GNG12: variants seen among roughly 807,000 people sequenced by gnomAD.
GNG12 encodes the protein guanine nucleotide-binding protein G(I)/G(S)/G(O) subunit gamma-12.
For synonymous variants in GNG12, 28 were observed against 29.7 expected, an observed-to-expected ratio of 0.94 and a Z score of 0.19; for missense variants, 69 against 83.8, an observed-to-expected ratio of 0.82 and a Z score of 0.69.
chr1:67,752,542 G>C (rs934149072), intron 2 of GNG12, among the ~76,000 whole-genome samples: 16 of 152,244 alleles, frequency 1.1e-4, no homozygotes, highest in Non-Finnish European at 2.2e-4. Flanking sequence ...TTGCACTCAC[G>C]GTAGACATCC....
chr1:67,819,818 C>T (rs1386775697), intron 1 of GNG12, among the ~76,000 whole-genome samples: 1 of 152,156 alleles, frequency 6.6e-6, no homozygotes, highest in Non-Finnish European at 1.5e-5. Flanking sequence ...ACTGGCTGTT[C>T]CCTCTACCTG....
At chr1:67,759,797 T>TGA (rs992517508) in intron 2 of GNG12, among the ~76,000 whole-genome samples, 7 of 131,302 alleles carry the variant, frequency 5.3e-5, no homozygotes, top group African/African-American at 2.7e-4. Flanking sequence ...TCAACAATGC[T>TGA]CACTCACTTC....
At chr1:67,808,930 T>C (rs1646908204) in intron 1 of GNG12, among the ~76,000 whole-genome samples, 1 of 152,144 alleles carries the variant, frequency 6.6e-6, no homozygotes, top group Non-Finnish European at 1.5e-5. Context: ...TTTATGGATA[T>C]AAACAAACTG....
intron 1 of GNG12, among the ~76,000 whole-genome samples, chr1:67,814,082 T>C (rs1404469104): frequency 3.3e-5 from 5 of 152,146 alleles, no homozygotes; most frequent in African/African-American, 9.7e-5. Flanking sequence ...TCTCTAATAC[T>C]ACATGAGCCC....
At chr1:67,733,197 C>A (rs1180285096) in intron 2 of GNG12, among the ~76,000 whole-genome samples, 1 of 152,160 alleles carries the variant, frequency 6.6e-6, no homozygotes, top group African/African-American at 2.4e-5. Flanking sequence ...GTATCACAAG[C>A]CACCAGTATT....
At chr1:67,760,008 C>T (rs895340849) in intron 2 of GNG12, among the ~76,000 whole-genome samples, 1 of 152,230 alleles carries the variant, frequency 6.6e-6, no homozygotes, top group Non-Finnish European at 1.5e-5. Context: ...AGGCAGAAAG[C>T]CTTCAAAGCT....
At chr1:67,725,920 C>T (rs147235164) in intron 2 of GNG12, among the ~76,000 whole-genome samples, 1 of 152,064 alleles carries the variant, frequency 6.6e-6, no homozygotes, top group Non-Finnish European at 1.5e-5. Context: ...CAAAACATGA[C>T]GGAGCATCAC....
chr1:67,814,682 T>C (rs1646943776), intron 1 of GNG12, among the ~76,000 whole-genome samples: 1 of 152,250 alleles, frequency 6.6e-6, no homozygotes, highest in Admixed American at 6.5e-5. Flanking sequence ...ATGTTTTATA[T>C]GCTTATCAGG....
chr1:67,831,593 G>A (rs1172269664), intron 1 of GNG12, among the ~76,000 whole-genome samples: 1 of 152,142 alleles, frequency 6.6e-6, no homozygotes, highest in Non-Finnish European at 1.5e-5. Context: ...AGACTTTTCA[G>A]CATTTTTTGG....
At chr1:67,767,337 G>A (rs572965322) in intron 2 of GNG12, among the ~76,000 whole-genome samples, 2 of 152,230 alleles carry the variant, frequency 1.3e-5, no homozygotes, top group African/African-American at 4.8e-5. Context: ...AGCTCCTCCC[G>A]CTTAGGACTG....
intron 1 of GNG12, among the ~76,000 whole-genome samples, chr1:67,830,248 G>A (rs1007351330): frequency 4.6e-5 from 7 of 152,086 alleles, no homozygotes; most frequent in African/African-American, 1.7e-4. Flanking sequence ...CAGGTGATCC[G>A]CCCACCTTGG....
intron 2 of GNG12, among the ~76,000 whole-genome samples, chr1:67,724,792 C>T (rs935099852): frequency 1.3e-5 from 2 of 152,162 alleles, no homozygotes; most frequent in African/African-American, 2.4e-5. Flanking sequence ...GAAAGACTGG[C>T]TATGAGTTAG....
chr1:67,746,760 G>A (rs2100719892), intron 2 of GNG12, among the ~76,000 whole-genome samples: 1 of 152,270 alleles, frequency 6.6e-6, no homozygotes, highest in Middle Eastern at 3.4e-3. Flanking sequence ...AATTCAAGGA[G>A]GTTGCCATTT....
chr1:67,705,724 G>A, intron 3 of GNG12, 148 bp from the exon 4 acceptor site: 1 of 1,340,012 alleles, frequency 7.5e-7, no homozygotes, highest in Non-Finnish European at 9.7e-7. Context: ...ATTCTTGTCA[G>A]GTATAAAAAG....
chr1:67,758,515 T>C (rs933053943), intron 2 of GNG12, among the ~76,000 whole-genome samples: 5 of 152,076 alleles, frequency 3.3e-5, no homozygotes, highest in African/African-American at 1.2e-4. Flanking sequence ...GGTGTCAGGA[T>C]TGGGGAGCAT....
intron 1 of GNG12, among the ~76,000 whole-genome samples, chr1:67,793,960 T>C (rs887339873): frequency 2.0e-5 from 3 of 152,208 alleles, no homozygotes; most frequent in Non-Finnish European, 4.4e-5. Context: ...CGTTTACTCT[T>C]TTCTTTTGCC....
intron 2 of GNG12, among the ~76,000 whole-genome samples, chr1:67,716,113 G>A (rs1042737797): frequency 6.6e-6 from 1 of 152,268 alleles, no homozygotes; most frequent in East Asian, 1.9e-4. Context: ...GAGATGAGGA[G>A]GGGCTGCACA....
chr1:67,790,556 T>C (rs1646795997), intron 1 of GNG12, among the ~76,000 whole-genome samples: 1 of 152,006 alleles, frequency 6.6e-6, no homozygotes, highest in Non-Finnish European at 1.5e-5. Flanking sequence ...TTTATGTATC[T>C]GCATCGACAA....
rs542761343 is a variant in GNG12 at position 67,782,384 on chromosome 1, C to T, written c.-76-4877G>A. ...ATTTTGCCCCATTGTACAACGGCTT[C>T]TGTCCCAGAGAATGGTACACCCCGA... On this transcript the variant is annotated intron_variant, in intron 1 of 3. Transcript: ENST00000370982. Among the ~76,000 whole-genome samples the T allele has an allele frequency of 4.6e-5, 7 of 152,302 alleles. No homozygotes were observed. In the South Asian group the frequency reaches 1.0e-3, roughly 23 times the overall value.
Sources: gnomAD v4.1 joint callset for allele counts (sites outside exome capture counted in the v4.1 genomes callset) on GRCh38, gnomAD v4.1.1 for gene constraint, MANE v1.5 for transcripts, NCBI Gene and HGNC (gene_info 2026-07-23, HGNC 2026-07-21) for gene names.